CERS6: variants seen among roughly 807,000 people sequenced by gnomAD.
The protein encoded by CERS6 is LAG1 homolog, ceramide synthase 6.
In CERS6, 26 loss-of-function variants were observed where a neutral mutation model predicts 56.8. The ratio of observed to expected loss-of-function variants is 0.46; its 90% CI spans 0.34 to 0.63. The LOEUF is 0.63. Ranked by LOEUF, CERS6 falls within the 30% of genes least tolerant of loss-of-function variation. The pLI, the probability that CERS6 is intolerant of heterozygous loss-of-function variation, is 0.01. For missense variants in CERS6, 415 were observed against 467.5 expected (o/e 0.89, Z 1.04); for synonymous variants, 164 against 173.3 (o/e 0.95, Z 0.42).
intron 4 of CERS6, among the ~76,000 whole-genome samples, chr2:168,631,408 TATA>T (rs376199687): frequency 2.6e-4 from 35 of 134,812 alleles, no homozygotes; most frequent in East Asian, 1.8e-3. Flanking sequence ...ATATATATTA[TATA>T]ATATTATGTA....
At chr2:168,541,950 T>C (rs1488169784) in intron 1 of CERS6, among the ~76,000 whole-genome samples, 1 of 152,314 alleles carries the variant, frequency 6.6e-6, no homozygotes, top group Non-Finnish European at 1.5e-5. Flanking sequence ...TGTTTTTCTA[T>C]CAAAATTTTG....
At position 168,757,401 on chromosome 2, in the gene CERS6, A is replaced by G. The variant is rs139122508; in HGVS notation, c.846-8191A>G. 5.5e-3 allele frequency among the ~76,000 whole-genome samples: 835 copies of G among 152,180 alleles called. 2 individuals carry two copies. The highest frequency in any genetic ancestry group is 0.017 in the Middle Eastern group (5 of 294). On this transcript the variant is annotated intron_variant, in intron 8 of 9. Transcript: ENST00000305747. Reference sequence around the variant, plus strand: ...ATCTGCCCCAGCCAGGAAGTCACCAATTACAAACTTCCTGTGATAAGAGAC... The same window carrying G: ...ATCTGCCCCAGCCAGGAAGTCACCAGTTACAAACTTCCTGTGATAAGAGAC...
intron 4 of CERS6, among the ~76,000 whole-genome samples, chr2:168,631,849 T>G (rs944684329): frequency 7.7e-6 from 1 of 130,004 alleles, no homozygotes; most frequent in Admixed American, 9.6e-5. Flanking sequence ...ATATAATATA[T>G]ATTATATATT....
chr2:168,668,060 A>C (rs1242315528), intron 4 of CERS6, among the ~76,000 whole-genome samples: 3 of 152,218 alleles, frequency 2.0e-5, no homozygotes, highest in Non-Finnish European at 4.4e-5. Context: ...GGTTGAAATC[A>C]TGATAAGGAG....
intron 8 of CERS6, among the ~76,000 whole-genome samples, chr2:168,729,280 G>A (rs1303083964): frequency 1.3e-5 from 2 of 152,298 alleles, no homozygotes; most frequent in Non-Finnish European, 2.9e-5. Flanking sequence ...ATTTGACCAG[G>A]CATCTCACTT....
intron 4 of CERS6, among the ~76,000 whole-genome samples, chr2:168,654,244 A>G (rs1685414822): frequency 6.6e-6 from 1 of 152,118 alleles, no homozygotes; most frequent in Non-Finnish European, 1.5e-5. Context: ...CTGACTGTAT[A>G]TTTTTTTAAA....
intron 2 of CERS6, among the ~76,000 whole-genome samples, chr2:168,549,913 G>A (rs1159461024): frequency 6.6e-6 from 1 of 152,084 alleles, no homozygotes; most frequent in East Asian, 1.9e-4. Context: ...GTGTGTGTGT[G>A]AATGATCATC....
chr2:168,700,314 A>G (rs1686773732), intron 6 of CERS6, among the ~76,000 whole-genome samples: 1 of 152,294 alleles, frequency 6.6e-6, no homozygotes, highest in Middle Eastern at 3.4e-3. Context: ...GGAAAGGAAA[A>G]TGCATGTTTT....
rs1336191274 is a variant in CERS6, at chr2:168,456,632, A to T, written c.170+14A>T. On this transcript the variant is annotated intron_variant, in intron 1 of 9. Coordinates refer to ENST00000305747, the MANE Select transcript of CERS6 (RefSeq NM_203463.3). This position sits in a 1 kb window ranked among gnomAD's most constrained non-coding sequence, Gnocchi z 4.1. ...CATCTTCGAGAGGTAAGAAGGGCTG[A>T]AGCCCCTCCTCCCCTCCCCCTGCGC... 1 of 1,611,652 alleles carries T rather than the reference A, an allele frequency of 6.2e-7. No homozygotes were observed. Among genetic ancestry groups the T allele is most frequent in the Non-Finnish European group, 8.5e-7 (1 of 1,178,596 alleles).
chr2:168,679,407 G>T (rs561966978), intron 4 of CERS6, among the ~76,000 whole-genome samples: 2 of 152,144 alleles, frequency 1.3e-5, no homozygotes, highest in Non-Finnish European at 2.9e-5. Context: ...ATATCTACAC[G>T]TGTTAAAACA....
intron 4 of CERS6, among the ~76,000 whole-genome samples, chr2:168,689,932 T>C (rs1179843288): frequency 6.6e-6 from 1 of 151,894 alleles, no homozygotes; most frequent in Non-Finnish European, 1.5e-5. Context: ...GACCAGAGAG[T>C]CTGAGTTTGA....
chr2:168,642,991 T>A (rs1280148941), intron 4 of CERS6, among the ~76,000 whole-genome samples: 1 of 152,228 alleles, frequency 6.6e-6, no homozygotes, highest in African/African-American at 2.4e-5. Flanking sequence ...GGATGCATGA[T>A]GTTCAGTATT....
intron 8 of CERS6, among the ~76,000 whole-genome samples, chr2:168,757,692 G>A (rs1270939553): frequency 6.6e-6 from 1 of 152,034 alleles, no homozygotes; most frequent in East Asian, 1.9e-4. Context: ...GACCAGCCTG[G>A]GCAACTTAGT....
chr2:168,603,674 C>T (rs928538685), intron 3 of CERS6, among the ~76,000 whole-genome samples: 7 of 152,214 alleles, frequency 4.6e-5, no homozygotes, highest in African/African-American at 1.4e-4. Context: ...GTCCTGTTCT[C>T]TCACAGCTGC....
At chr2:168,705,995 C>G (rs557181676) in intron 6 of CERS6, among the ~76,000 whole-genome samples, 4 of 152,162 alleles carry the variant, frequency 2.6e-5, no homozygotes, top group Non-Finnish European at 5.9e-5. Context: ...TTAAACAGAA[C>G]CCAGAAGGTG....
chr2:168,566,424 A>G (rs886879024), intron 3 of CERS6, among the ~76,000 whole-genome samples: 1 of 152,192 alleles, frequency 6.6e-6, no homozygotes, highest in Non-Finnish European at 1.5e-5. Flanking sequence ...CAGACTCATC[A>G]AAACCTGGGA....
chr2:168,578,973 C>G (rs1683343934), intron 3 of CERS6, among the ~76,000 whole-genome samples: 1 of 151,858 alleles, frequency 6.6e-6, no homozygotes, highest in East Asian at 1.9e-4. Context: ...TTAATCTGAA[C>G]AAGAACAAAA....
chr2:168,748,561 C>G (rs779740364), intron 8 of CERS6, among the ~76,000 whole-genome samples: 1 of 152,188 alleles, frequency 6.6e-6, no homozygotes, highest in Non-Finnish European at 1.5e-5. Flanking sequence ...CTGCACGCCC[C>G]CACCGAATGG....
At chr2:168,610,429 T>C (rs1684159562) in intron 3 of CERS6, among the ~76,000 whole-genome samples, 1 of 152,236 alleles carries the variant, frequency 6.6e-6, no homozygotes, top group African/African-American at 2.4e-5. Context: ...GTAGTATGTC[T>C]TGGTATTTAC....
Sources: allele counts gnomAD v4.1 joint callset (sites outside exome capture counted in the v4.1 genomes callset), GRCh38; gene constraint gnomAD v4.1.1; non-coding constraint Gnocchi (gnomAD v3.1); transcripts MANE v1.5; gene names NCBI Gene and HGNC (gene_info 2026-07-23, HGNC 2026-07-21).